The following RAP1GDS1 variants were observed in gnomAD, a reference collection of about 807,000 sequenced individuals.
The protein encoded by RAP1GDS1 is Rap1 GTPase-GDP dissociation stimulator 1.
A neutral mutation model predicts 71.1 loss-of-function variants in RAP1GDS1; 35 were observed. That is an observed-to-expected ratio of 0.49 (90% CI 0.38 to 0.65). The LOEUF is 0.65. Among genes scored for constraint, RAP1GDS1 ranks in the 30% least tolerant of loss-of-function variants. The pLI is 0.00. For synonymous variants in RAP1GDS1, 229 were observed against 243.1 expected (o/e 0.94, Z 0.54); for missense variants, 663 against 706.1 (o/e 0.94, Z 0.69).
chr4:98,276,053 C>T (rs145371376), intron 1 of RAP1GDS1, among the ~76,000 whole-genome samples: 2 of 151,904 alleles, frequency 1.3e-5, no homozygotes, highest in South Asian at 2.1e-4. Context: ...TTTTTTTTCC[C>T]ACAGTTCTGG....
chr4:98,410,424 G>A (rs1017555580), intron 7 of RAP1GDS1, among the ~76,000 whole-genome samples: 1 of 152,168 alleles, frequency 6.6e-6, no homozygotes, highest in Non-Finnish European at 1.5e-5. Context: ...TGATGAGGGT[G>A]TGGAACAGTG....
intron 1 of RAP1GDS1, among the ~76,000 whole-genome samples, chr4:98,286,151 T>G (rs1011438967): frequency 4.0e-5 from 6 of 151,246 alleles, no homozygotes; most frequent in Admixed American, 6.6e-5. Context: ...TGTGGCCCCA[T>G]ATATTCAGCT....
At chr4:98,272,939 T>A (rs901171178) in intron 1 of RAP1GDS1, among the ~76,000 whole-genome samples, 1 of 152,212 alleles carries the variant, frequency 6.6e-6, no homozygotes, top group African/African-American at 2.4e-5. Context: ...GGCACCCACC[T>A]ATCGAGCTTT....
At chr4:98,307,005 G>A (rs1173740376) in intron 2 of RAP1GDS1, among the ~76,000 whole-genome samples, 2 of 151,960 alleles carry the variant, frequency 1.3e-5, no homozygotes, top group African/African-American at 2.4e-5. Flanking sequence ...ATAAAATTTA[G>A]TGAATCATTT....
chr4:98,437,017 C>A lies in RAP1GDS1; in HGVS notation c.1645C>A (p.Pro549Thr). Reference sequence around the variant, plus strand: ...ACTGCTAGCAGATGAGAGAAGTGCTCCTGAAATCAAATATAATTCCATGGT... The same window carrying A: ...ACTGCTAGCAGATGAGAGAAGTGCTACTGAAATCAAATATAATTCCATGGT... ...HRLLADERSA[P>T]EIKYNSMVLI... is the part of the protein sequence containing the mutation. The change falls in exon 14 of 15, where the codon CCT becomes ACT. Residue 549 changes from proline to threonine, a missense_variant. Transcript: ENST00000408927. 6.2e-7 allele frequency: 1 copy of A among 1,612,540 alleles called. No individual in the cohort carries two copies. Among genetic ancestry groups the A allele is most frequent in the African/African-American group, 1.3e-5 (1 of 74,942 alleles).
At chr4:98,374,469 C>T (rs899868155) in intron 4 of RAP1GDS1, among the ~76,000 whole-genome samples, 2 of 152,116 alleles carry the variant, frequency 1.3e-5, no homozygotes, top group African/African-American at 4.8e-5. Flanking sequence ...GTTTTAACAT[C>T]TGGATCACCT....
chr4:98,319,386 T>C (rs1023922946), intron 2 of RAP1GDS1, among the ~76,000 whole-genome samples: 5 of 152,210 alleles, frequency 3.3e-5, no homozygotes, highest in African/African-American at 1.2e-4. Context: ...ATATATGGTA[T>C]AGGTTTCCTC....
At chr4:98,372,924 A>C (rs1471056333) in intron 4 of RAP1GDS1, among the ~76,000 whole-genome samples, 2 of 152,206 alleles carry the variant, frequency 1.3e-5, no homozygotes, top group Non-Finnish European at 2.9e-5. Flanking sequence ...TCCTGGCCAC[A>C]AGAGACCTTC....
At chr4:98,261,596 C>T in intron 1 of RAP1GDS1, 27 bp downstream of exon 1, 1 of 1,596,450 alleles carries the variant, frequency 6.3e-7, no homozygotes, top group Non-Finnish European at 8.6e-7. Context: ...CCGCCGTCAT[C>T]GCCTGACATT....
intron 4 of RAP1GDS1, among the ~76,000 whole-genome samples, chr4:98,354,802 A>G (rs1180136895): frequency 6.6e-6 from 1 of 152,150 alleles, no homozygotes; most frequent in African/African-American, 2.4e-5. Context: ...AGCATAGTAA[A>G]TACAGCCCAT....
chr4:98,368,038 C>A (rs1739780908), intron 4 of RAP1GDS1, among the ~76,000 whole-genome samples: 1 of 152,038 alleles, frequency 6.6e-6, no homozygotes, highest in South Asian at 2.1e-4. Context: ...TGTGTCCCCA[C>A]CCAAATCTCA....
intron 2 of RAP1GDS1, among the ~76,000 whole-genome samples, chr4:98,323,098 C>T (rs1227159212): frequency 1.3e-4 from 20 of 150,744 alleles, no homozygotes; most frequent in African/African-American, 4.2e-4. Context: ...ATATCACCAC[C>T]GATCCCACAG....
At chr4:98,266,042 A>G (rs2110220950) in intron 1 of RAP1GDS1, among the ~76,000 whole-genome samples, 1 of 152,258 alleles carries the variant, frequency 6.6e-6, no homozygotes, top group African/African-American at 2.4e-5. Flanking sequence ...TTTTAAAAAT[A>G]TTTTTAACTC....
At chr4:98,350,308 T>G (rs944092684) in intron 3 of RAP1GDS1, among the ~76,000 whole-genome samples, 15 of 152,224 alleles carry the variant, frequency 9.9e-5, no homozygotes, top group African/African-American at 3.6e-4. Flanking sequence ...ATTTCTTGTT[T>G]TAGTAGTCAA....
chr4:98,269,254 A>G (rs1043291665), intron 1 of RAP1GDS1, among the ~76,000 whole-genome samples: 12 of 152,050 alleles, frequency 7.9e-5, no homozygotes, highest in South Asian at 6.2e-4. Flanking sequence ...TGTTAAAACT[A>G]GATACCCACA....
At chr4:98,388,322 C>G (rs1743071659) in intron 5 of RAP1GDS1, among the ~76,000 whole-genome samples, 1 of 152,266 alleles carries the variant, frequency 6.6e-6, no homozygotes, top group African/African-American at 2.4e-5. Flanking sequence ...ATCTAGGATT[C>G]CTACCAAGCT....
intron 2 of RAP1GDS1, among the ~76,000 whole-genome samples, chr4:98,325,595 A>G (rs1218366751): frequency 6.6e-6 from 1 of 150,878 alleles, no homozygotes; most frequent in Non-Finnish European, 1.5e-5. Context: ...TGCAGCCATA[A>G]AAAATGATGA....
intron 14 of RAP1GDS1, 183 bp from the exon 15 acceptor site, chr4:98,441,807 A>G (rs1367764808): frequency 3.6e-6 from 2 of 560,654 alleles, no homozygotes; most frequent in Non-Finnish European, 4.5e-6. Context: ...TAAAGTTTTT[A>G]TGATTTTTTT....
chr4:98,270,486 A>G (rs997613295), intron 1 of RAP1GDS1, among the ~76,000 whole-genome samples: 1 of 152,190 alleles, frequency 6.6e-6, no homozygotes, highest in African/African-American at 2.4e-5. Flanking sequence ...ATGACCTAAA[A>G]AAACATTTCT....
Sources: allele counts gnomAD v4.1 joint callset (sites outside exome capture counted in the v4.1 genomes callset), GRCh38; gene constraint gnomAD v4.1.1; transcripts MANE v1.5; gene names NCBI Gene and HGNC (gene_info 2026-07-23, HGNC 2026-07-21).